KATNIP: variants seen among roughly 807,000 people sequenced by gnomAD.
KATNIP encodes katanin-interacting protein.
A neutral mutation model predicts 174.0 loss-of-function variants in KATNIP; 126 were observed. The ratio of observed to expected loss-of-function variants is 0.72; its 90% CI spans 0.63 to 0.84. The LOEUF (loss-of-function observed/expected upper bound fraction) is 0.84. KATNIP is among the 40% of genes least tolerant of loss of function. KATNIP has a pLI of 0.00. For synonymous variants in KATNIP, 810 were observed against 835.7 expected (o/e 0.97, Z 0.53); for missense variants, 1,958 against 2,109.7 (o/e 0.93, Z 1.41).
At chr16:27,575,129 A>G (rs190261219) in intron 2 of KATNIP, among the ~76,000 whole-genome samples, 53 of 152,360 alleles carry the variant, frequency 3.5e-4, no homozygotes, top group African/African-American at 1.2e-3. Context: ...GAGAAGTGCT[A>G]TCACAGAAGG....
intron 2 of KATNIP, among the ~76,000 whole-genome samples, chr16:27,586,760 T>C (rs1224160803): frequency 2.0e-5 from 3 of 151,238 alleles, no homozygotes; most frequent in Non-Finnish European, 4.4e-5. Flanking sequence ...GCCCGGGAGA[T>C]TGAGTGTGCA....
At chr16:27,706,426 C>T (rs922847037) in intron 12 of KATNIP, among the ~76,000 whole-genome samples, 7 of 152,150 alleles carry the variant, frequency 4.6e-5, no homozygotes, top group Non-Finnish European at 5.9e-5. Context: ...AGGGTCAGTT[C>T]CCCTATGCTT....
Position 27,550,162 on chromosome 16 carries a change from C to T in KATNIP, c.-9C>T. On this transcript the variant is annotated 5_prime_UTR_variant, in exon 1 of 28. Coordinates refer to ENST00000261588, the MANE Select transcript of KATNIP (RefSeq NM_015202.5). ...CCGGTTCGAGCTCCCGGAACCGCCG[C>T]CTCTAGGGATGGACGGTGAGTGTCT... is the stretch of plus-strand genomic sequence containing the variant. 1 of 1,612,508 alleles carries T rather than the reference C, an allele frequency of 6.2e-7. No individual in the cohort carries two copies. Among genetic ancestry groups the T allele is most frequent in the Non-Finnish European group, 8.5e-7 (1 of 1,178,840 alleles).
chr16:27,565,191 C>T (rs571995056), intron 1 of KATNIP, among the ~76,000 whole-genome samples: 24 of 151,332 alleles, frequency 1.6e-4, no homozygotes, highest in Non-Finnish European at 2.5e-4. Context: ...GGAGTCCAGG[C>T]GCGGTGGCTC....
intron 8 of KATNIP, 56 bp from the exon 9 acceptor site, chr16:27,698,272 G>C: frequency 6.5e-7 from 1 of 1,536,776 alleles, no homozygotes; most frequent in Non-Finnish European, 8.8e-7. Flanking sequence ...AATGGGTTGT[G>C]AGCTGCACTC....
intron 18 of KATNIP, chr16:27,754,550 G>A: frequency 2.8e-6 from 1 of 359,648 alleles, no homozygotes; most frequent in Non-Finnish European, 5.1e-6. Flanking sequence ...CCCAGGAGGT[G>A]TAGTTGGCAC....
chr16:27,746,660 A>G (rs1381992642), intron 15 of KATNIP, among the ~76,000 whole-genome samples: 2 of 152,218 alleles, frequency 1.3e-5, no homozygotes, highest in Non-Finnish European at 2.9e-5. Flanking sequence ...GGCGGGTGAC[A>G]AGCAAAGCCA....
rs2079099322 is a variant in KATNIP at position 27,701,589 on chromosome 16, C to A, written c.1180C>A (p.Leu394Met). ...LLEEKEETLE[L>M]LPITTATTTQ... The stretch of plus-strand genomic sequence containing the variant: ...GTTTAATAAGCCTTTCCATCCTCAG[C>A]TGCTTCCCATCACCACGGCGACTAC... Residue 394 changes from leucine to methionine, a missense_variant and splice_region_variant, in exon 11 of 28, where the codon CTG becomes ATG. Physicochemically the swap from Leu to Met is conservative, Grantham distance 15. This residue lies in a region of KATNIP where 1,557 missense variants were observed against 1,617.8 expected (regional missense o/e 0.96). Transcript: ENST00000261588. 1 of 1,583,382 alleles carries A rather than the reference C, an allele frequency of 6.3e-7. No individual in the cohort carries two copies. The highest frequency in any genetic ancestry group is 2.3e-5 in the East Asian group (1 of 43,694).
chr16:27,597,301 C>T (rs2075364754), intron 2 of KATNIP, among the ~76,000 whole-genome samples: 1 of 151,958 alleles, frequency 6.6e-6, no homozygotes, highest in Admixed American at 6.6e-5. Flanking sequence ...GTAGCTGTTG[C>T]CATGAGCTAG....
At position 27,749,698 on chromosome 16, in the gene KATNIP, G is replaced by T. The variant is rs750088345; in HGVS notation, c.2738G>T (p.Arg913Leu). 6.2e-7 allele frequency: 1 copy of T among 1,613,306 alleles called. No homozygotes were observed. The highest frequency in any genetic ancestry group is 8.5e-7 in the Non-Finnish European group (1 of 1,179,694). The part of the protein sequence containing the change: ...LSAFDRSHRG[R>L]ISNTELPGDI... ...GCCTTCGACCGCTCCCACCGGGGACGCATCTCCAACACGGAGCTCCCGGGG... is the reference window on the plus strand; with the variant it reads ...GCCTTCGACCGCTCCCACCGGGGACTCATCTCCAACACGGAGCTCCCGGGG... Residue 913 changes from arginine to leucine, a missense_variant, in exon 16 of 28, where the codon CGC becomes CTC. This residue lies in a region of KATNIP where 1,557 missense variants were observed against 1,617.8 expected (regional missense o/e 0.96). Transcript: ENST00000261588.
Position 27,648,703 on chromosome 16 carries a change from C to T in KATNIP, c.508C>T (p.Gln170Ter). ...DFELCGDVTLQANNTSEDRPQ... is the reference protein window; with the variant it reads ...DFELCGDVTL ...TGAGCTGTGTGGGGATGTGACTCTCCAGGCAAACAACACTTCTGAGGATCG... is the reference window on the plus strand; with the variant it reads ...TGAGCTGTGTGGGGATGTGACTCTCTAGGCAAACAACACTTCTGAGGATCG... Residue 170 changes from glutamine (Q) to a stop codon, truncating the protein, a stop_gained, in exon 6 of 28, where the codon CAG becomes TAG. Transcript: ENST00000261588. LOFTEE classifies it high-confidence loss of function. 6.2e-7 allele frequency: 1 copy of T among 1,614,138 alleles called. No homozygotes were observed. Among genetic ancestry groups the T allele is most frequent in the Non-Finnish European group, 8.5e-7 (1 of 1,180,024 alleles).
rs1416404812 is a variant in KATNIP at position 27,654,738 on chromosome 16, T to C, written c.540+6003T>C. 3.0e-6 allele frequency: 4 copies of C among 1,351,964 alleles called. No individual in the cohort carries two copies. In the South Asian group the frequency reaches 4.5e-5, roughly 15 times the overall value. 83.7% of individuals were successfully genotyped at this position (1,351,964 alleles called of 1,614,324 possible). On this transcript the variant is annotated intron_variant, in intron 6 of 27. Transcript: ENST00000261588. Reference sequence around the variant, plus strand: ...CTCTTAACTATTCAGGATGTGATGGTAAGATCAGTTTTCAGCATCCTAACC... The same window carrying C: ...CTCTTAACTATTCAGGATGTGATGGCAAGATCAGTTTTCAGCATCCTAACC...
chr16:27,773,907 C>G (rs1382143284), intron 23 of KATNIP, among the ~76,000 whole-genome samples: 1 of 152,218 alleles, frequency 6.6e-6, no homozygotes, highest in African/African-American at 2.4e-5. Flanking sequence ...GCTACCTCAT[C>G]TGCCCTCACA....
At chr16:27,767,997 C>T (rs1414049253) in intron 20 of KATNIP, among the ~76,000 whole-genome samples, 1 of 152,168 alleles carries the variant, frequency 6.6e-6, no homozygotes, top group East Asian at 1.9e-4. Context: ...CTTCTGTGAC[C>T]TGAATTCACC....
chr16:27,621,981 A>G (rs1318323082), intron 3 of KATNIP, among the ~76,000 whole-genome samples: 4 of 151,952 alleles, frequency 2.6e-5, no homozygotes, highest in South Asian at 2.1e-4. Flanking sequence ...CATCCTAACT[A>G]TATACAAGCC....
At chr16:27,685,565 C>G (rs964099749) in intron 8 of KATNIP, among the ~76,000 whole-genome samples, 5 of 152,188 alleles carry the variant, frequency 3.3e-5, no homozygotes, top group Admixed American at 3.3e-4. Flanking sequence ...ATGCATGTCA[C>G]TGGGTCCATT....
chr16:27,614,595 A>C (rs2075989151), intron 2 of KATNIP, among the ~76,000 whole-genome samples: 1 of 152,116 alleles, frequency 6.6e-6, no homozygotes. Context: ...AGGCGTGAGC[A>C]TGCCCGGCCT....
At chr16:27,711,531 G>C (rs1036076982) in intron 13 of KATNIP, among the ~76,000 whole-genome samples, 4 of 152,176 alleles carry the variant, frequency 2.6e-5, no homozygotes, top group Admixed American at 6.5e-5. Flanking sequence ...TAGCTGGTTG[G>C]TTTGTCCTCG....
chr16:27,656,648 A>G (rs1392191298), intron 6 of KATNIP, among the ~76,000 whole-genome samples: 1 of 150,256 alleles, frequency 6.7e-6, no homozygotes, highest in Non-Finnish European at 1.5e-5. Flanking sequence ...AGGGACATGG[A>G]TGAAATTGGA....
Sources: gnomAD v4.1 joint callset for allele counts (sites outside exome capture counted in the v4.1 genomes callset) on GRCh38, gnomAD v4.1.1 for gene constraint, gnomAD v4.1.1 regional missense constraint, MANE v1.5 for transcripts, NCBI Gene and HGNC (gene_info 2026-07-23, HGNC 2026-07-21) for gene names.